ITSN1: variants seen among roughly 807,000 people sequenced by gnomAD.
ITSN1 encodes intersectin 1, also known as intersectin-1.
A neutral mutation model predicts 239.8 loss-of-function variants in ITSN1; 58 were observed. The ratio of observed to expected loss-of-function variants is 0.24; its 90% CI spans 0.20 to 0.30. The LOEUF is 0.30. ITSN1 is among the 10% of genes least tolerant of loss of function. The pLI, the probability that ITSN1 is intolerant of heterozygous loss-of-function variation, is 1.00. For missense variants in ITSN1, 1,558 were observed against 2,103.3 expected (o/e 0.74, Z 5.07); for synonymous variants, 780 against 770.8 (o/e 1.01, Z -0.20).
Position 33,889,082 on chromosome 21 carries a change from G to T in ITSN1, c.*782G>T, listed in dbSNP as rs1466866647. The T allele has an allele frequency of 1.3e-5, 2 of 151,758 alleles. No individual in the cohort carries two copies. Among genetic ancestry groups the T allele is most frequent in the Non-Finnish European group, 2.9e-5 (2 of 67,988 alleles). The allele number at this position is 151,758 out of a possible 1,614,324, so 9.4% of individuals were successfully genotyped here. A position where few individuals can be genotyped will look rare whatever the true frequency, so the allele number is the denominator to read the frequency against. On this transcript the variant is annotated 3_prime_UTR_variant, in exon 40 of 40. Coordinates refer to ENST00000381318, the MANE Select transcript of ITSN1 (RefSeq NM_003024.3). The stretch of plus-strand genomic sequence containing the variant: ...CCTCTGCTGGATCAGATCACTACAG[G>T]TCACTGGAAAGGCAACTTTACAATG...
At chr21:33,849,565 CAAAAAAAAA>C (rs55906219) in intron 29 of ITSN1, among the ~76,000 whole-genome samples, 1 of 85,742 alleles carries the variant, frequency 1.2e-5, no homozygotes, top group Non-Finnish European at 2.7e-5. Flanking sequence ...GACTCTGTCT[CAAAAAAAAA>C]AAAAAAAAAA....
chr21:33,697,596 TATTA>T (rs1163700238), intron 1 of ITSN1, among the ~76,000 whole-genome samples: 1 of 152,200 alleles, frequency 6.6e-6, no homozygotes, highest in Non-Finnish European at 1.5e-5. Context: ...ACAATCTCAT[TATTA>T]ATTTGGCTGT....
At chr21:33,737,723 G>T (rs1430188277) in intron 5 of ITSN1, among the ~76,000 whole-genome samples, 5 of 151,902 alleles carry the variant, frequency 3.3e-5, no homozygotes, top group African/African-American at 9.7e-5. Flanking sequence ...ACAGGGACAT[G>T]CCGCAACACC....
chr21:33,858,776 A>G lies in ITSN1; in HGVS notation c.3874A>G (p.Asn1292Asp), dbSNP rs374237907. Residue 1292 changes from asparagine to aspartate, a missense_variant, in exon 31 of 40, where the codon AAT becomes GAT. Around this residue, in one of 2 missense-constraint regions of ITSN1, gnomAD observed 576 missense variants for 893.3 expected, o/e 0.64. Transcript: ENST00000381318. ...FVNWKELIMCNIKLLKALRVR... is the reference protein window; with the variant it reads ...FVNWKELIMCDIKLLKALRVR... ...GAACTGGAAGGAGCTGATTATGTGT[A>G]ATATCAAACTACTAAAGTAAGCCTC... is the stretch of plus-strand genomic sequence containing the variant. 6.2e-7 allele frequency: 1 copy of G among 1,608,906 alleles called. No homozygotes were observed. The highest frequency in any genetic ancestry group is 8.5e-7 in the Non-Finnish European group (1 of 1,175,482).
chr21:33,836,866 T>G, intron 29 of ITSN1: 1 of 827,646 alleles, frequency 1.2e-6, no homozygotes, highest in Non-Finnish European at 1.9e-6. Flanking sequence ...CTCCCTCCTT[T>G]TTCCTTTTTT....
At chr21:33,781,876 G>A (rs1350281030) in intron 15 of ITSN1, 118 bp from the exon 16 acceptor site, 2 of 1,015,092 alleles carry the variant, frequency 2.0e-6, no homozygotes, top group Non-Finnish European at 2.8e-6. Context: ...ACCGCACCCA[G>A]CCTTTTCTTA....
intron 14 of ITSN1, among the ~76,000 whole-genome samples, chr21:33,775,958 G>A (rs1314230061): frequency 6.6e-6 from 1 of 152,140 alleles, no homozygotes; most frequent in Non-Finnish European, 1.5e-5. Context: ...ATTGCCTGTG[G>A]ATGATCATAT....
intron 1 of ITSN1, among the ~76,000 whole-genome samples, chr21:33,701,533 C>T (rs2092009824): frequency 6.6e-6 from 1 of 151,992 alleles, no homozygotes; most frequent in Non-Finnish European, 1.5e-5. Context: ...TGACGCACGC[C>T]TGTAATCCCA....
intron 1 of ITSN1, among the ~76,000 whole-genome samples, chr21:33,680,774 A>G (rs149500505): frequency 3.3e-5 from 5 of 152,368 alleles, no homozygotes; most frequent in African/African-American, 1.2e-4. Flanking sequence ...TTCTGGACCA[A>G]ATTATCCTCA....
chr21:33,801,306 A>G (rs751853988), intron 19 of ITSN1, among the ~76,000 whole-genome samples: 40 of 152,216 alleles, frequency 2.6e-4, no homozygotes, highest in Non-Finnish European at 4.0e-4. Flanking sequence ...CTTGCCATAT[A>G]CACATCATAT....
At chr21:33,681,267 G>T (rs182931127) in intron 1 of ITSN1, among the ~76,000 whole-genome samples, 2 of 152,288 alleles carry the variant, frequency 1.3e-5, no homozygotes, top group South Asian at 4.1e-4. Context: ...GAGAGGTTGG[G>T]GGCAGGCAGG....
intron 33 of ITSN1, among the ~76,000 whole-genome samples, chr21:33,874,598 G>A (rs1296947696): frequency 6.6e-6 from 1 of 151,828 alleles, no homozygotes; most frequent in Non-Finnish European, 1.5e-5. Flanking sequence ...TCTGCTCCTG[G>A]TCTCAGGGAC....
chr21:33,826,684 A>G, intron 25 of ITSN1, 134 bp from the exon 26 acceptor site: 1 of 709,918 alleles, frequency 1.4e-6, no homozygotes, highest in Non-Finnish European at 2.5e-6. Context: ...GTGTCAGGTG[A>G]TACAGTGCTA....
intron 29 of ITSN1, among the ~76,000 whole-genome samples, chr21:33,845,633 G>A (rs1354249594): frequency 1.3e-5 from 2 of 152,014 alleles, no homozygotes; most frequent in South Asian, 2.1e-4. Context: ...TCACCTCCTC[G>A]AGGAAGCCTT....
chr21:33,706,441 G>A (rs372522386), intron 1 of ITSN1, among the ~76,000 whole-genome samples: 2 of 150,462 alleles, frequency 1.3e-5, no homozygotes, highest in South Asian at 2.1e-4. Context: ...ATTTGGAAAA[G>A]CACTGATCTT....
intron 24 of ITSN1, among the ~76,000 whole-genome samples, chr21:33,822,566 TGA>T (rs555514731): frequency 1.3e-5 from 2 of 152,254 alleles, no homozygotes; most frequent in South Asian, 2.1e-4. Context: ...GTGATCTTTC[TGA>T]GAGTGTGATT....
At chr21:33,714,341 A>T (rs1263464602) in intron 1 of ITSN1, among the ~76,000 whole-genome samples, 1 of 152,192 alleles carries the variant, frequency 6.6e-6, no homozygotes, top group Non-Finnish European at 1.5e-5. Flanking sequence ...TAAGAGATAC[A>T]GATGAAGGAG....
At chr21:33,858,946 C>T (rs1009278899) in intron 31 of ITSN1, among the ~76,000 whole-genome samples, 154 bp downstream of exon 31, 1 of 152,024 alleles carries the variant, frequency 6.6e-6, no homozygotes, top group Non-Finnish European at 1.5e-5. Flanking sequence ...ACACCATCAC[C>T]CTTTTGTGCC....
intron 22 of ITSN1, chr21:33,817,199 A>G: frequency 7.8e-7 from 1 of 1,278,758 alleles, no homozygotes; most frequent in Non-Finnish European, 1.0e-6. Flanking sequence ...TATAGCTTAA[A>G]AGATAATAAA....
Sources: allele counts gnomAD v4.1 joint callset (sites outside exome capture counted in the v4.1 genomes callset), GRCh38; gene constraint gnomAD v4.1.1; regional missense constraint gnomAD v4.1.1; transcripts MANE v1.5; gene names NCBI Gene and HGNC (gene_info 2026-07-23, HGNC 2026-07-21).